SH2D3C: variants seen among roughly 807,000 people sequenced by gnomAD.
SH2D3C encodes SH2 domain containing 3C, also known as SH2 domain-containing protein 3C.
SH2D3C carries 25 observed loss-of-function variants against 75.2 expected under a neutral mutation model. The ratio of observed to expected loss-of-function variants is 0.33; its 90% CI spans 0.24 to 0.46. The LOEUF is 0.46. SH2D3C is among the 20% of genes least tolerant of loss of function. The pLI is 1.00. For synonymous variants in SH2D3C, 450 were observed against 473.7 expected (o/e 0.95, Z 0.65); for missense variants, 933 against 1,165.3 (o/e 0.80, Z 2.90).
chr9:127,773,686 G>T (rs1845769007), intron 2 of SH2D3C, among the ~76,000 whole-genome samples: 1 of 152,090 alleles, frequency 6.6e-6, no homozygotes, highest in Non-Finnish European at 1.5e-5. Flanking sequence ...GGGAGGCCGA[G>T]GCAGGCAGAT....
At position 127,744,679 on chromosome 9, in the gene SH2D3C, A is replaced by G; in HGVS notation, c.1685T>C (p.Leu562Pro). 1 of 1,614,260 alleles carries G rather than the reference A, an allele frequency of 6.2e-7. No individual in the cohort carries two copies. Among genetic ancestry groups the G allele is most frequent in the South Asian group, 1.1e-5 (1 of 91,092 alleles). Residue 562 changes from leucine to proline, a missense_variant, in exon 7 of 12, where the codon CTG (leucine) becomes CCG (proline). By Grantham distance (98) the Leu-to-Pro change is moderately conservative. Coordinates refer to ENST00000314830, the MANE Select transcript of SH2D3C (RefSeq NM_170600.3). ...SFNPATFQSLLIPRDNRPLEV... is the reference protein window; with the variant it reads ...SFNPATFQSLPIPRDNRPLEV... Reference sequence around the variant, plus strand: ...CAGTGGCCGGTTATCCCTGGGGATCAGTAGTGACTGGAAGGTGGCCGGGTT... The same window carrying G: ...CAGTGGCCGGTTATCCCTGGGGATCGGTAGTGACTGGAAGGTGGCCGGGTT...
intron 2 of SH2D3C, among the ~76,000 whole-genome samples, chr9:127,769,882 C>A (rs554898549): frequency 1.3e-5 from 2 of 152,220 alleles, no homozygotes; most frequent in Admixed American, 6.5e-5. Context: ...GAGGCTCCCA[C>A]CTCACACCCC....
intron 3 of SH2D3C, among the ~76,000 whole-genome samples, chr9:127,758,963 T>G (rs1259101226): frequency 6.6e-6 from 1 of 152,224 alleles, no homozygotes; most frequent in Non-Finnish European, 1.5e-5. Context: ...CTCAGGGTGA[T>G]GAAATGTCCC....
intron 2 of SH2D3C, among the ~76,000 whole-genome samples, chr9:127,772,147 C>T (rs1845748658): frequency 6.6e-6 from 1 of 151,150 alleles, no homozygotes; most frequent in South Asian, 2.1e-4. Flanking sequence ...CTTGGTGTCT[C>T]AGGAAAAAGC....
chr9:127,739,628 A>G lies in SH2D3C; in HGVS notation c.2407+54T>C, dbSNP rs1042866318. On this transcript the variant is annotated intron_variant, in intron 11 of 11. Coordinates refer to ENST00000314830, the MANE Select transcript of SH2D3C (RefSeq NM_170600.3). The surrounding 1 kb of genome is among the most constrained non-coding windows in gnomAD (Gnocchi z 4.3). ...TTGGAGAAAAGGGAAGCAGTGAGGC[A>G]GGTGGAGGGAGGCCCAGGCCTGCAA... is the stretch of plus-strand genomic sequence containing the variant. 36 of 1,496,030 alleles carry G rather than the reference A, an allele frequency of 2.4e-5. No homozygotes were observed. The African/African-American group carries it at 4.7e-4, about 19-fold the overall frequency. The allele number at this position is 1,496,030 out of a possible 1,614,324, so 92.7% of individuals were successfully genotyped here.
intron 2 of SH2D3C, among the ~76,000 whole-genome samples, chr9:127,763,227 T>A (rs1414026492): frequency 6.6e-6 from 1 of 152,236 alleles, no homozygotes; most frequent in East Asian, 1.9e-4. Context: ...CCACCTTGAA[T>A]AGTCCCTCAT....
chr9:127,743,899 A>G (rs516073), intron 7 of SH2D3C, among the ~76,000 whole-genome samples: 104,852 of 151,202 alleles, frequency 0.69, 37,779 homozygotes, highest in African/African-American at 0.89. Context: ...CGGTGGGGGC[A>G]GAGAGTCAGG....
chr9:127,771,358 C>T, intron 2 of SH2D3C: 1 of 1,355,326 alleles, frequency 7.4e-7, no homozygotes, highest in Non-Finnish European at 9.5e-7. Flanking sequence ...GTAGACCACG[C>T]CCCCAGACAC....
In SH2D3C at chr9:127,744,680, G is replaced by A; in HGVS notation, c.1684C>T (p.Leu562=). ...AGTGGCCGGTTATCCCTGGGGATCA[G>A]TAGTGACTGGAAGGTGGCCGGGTTG... ...SFNPATFQSL[L]IPRDNRPLEV... The change falls in exon 7 of 12, where the codon CTG becomes TTG. Residue 562 remains leucine, a synonymous_variant. Transcript: ENST00000314830. 1 of 1,614,260 alleles carries A rather than the reference G, an allele frequency of 6.2e-7. No individual in the cohort carries two copies. The highest frequency in any genetic ancestry group is 8.5e-7 in the Non-Finnish European group (1 of 1,180,048).
chr9:127,766,446 A>G (rs1290480464), intron 2 of SH2D3C, among the ~76,000 whole-genome samples: 1 of 152,194 alleles, frequency 6.6e-6, no homozygotes, highest in Non-Finnish European at 1.5e-5. Context: ...GGAGGGGTGC[A>G]AGGTTTCCTG....
intron 1 of SH2D3C, among the ~76,000 whole-genome samples, chr9:127,776,115 C>G (rs1053244997): frequency 6.6e-6 from 1 of 152,178 alleles, no homozygotes; most frequent in Non-Finnish European, 1.5e-5. Flanking sequence ...AGGGGTAAGA[C>G]ACCGTGCCTG....
intron 2 of SH2D3C, chr9:127,771,364 G>T: frequency 1.5e-6 from 2 of 1,353,794 alleles, no homozygotes; most frequent in South Asian, 3.5e-5. Context: ...CACGCCCCCA[G>T]ACACGCCCCT....
chr9:127,765,186 C>A (rs1845610559), intron 2 of SH2D3C, among the ~76,000 whole-genome samples: 1 of 152,108 alleles, frequency 6.6e-6, no homozygotes, highest in South Asian at 2.1e-4. Flanking sequence ...TCCTTCAGTT[C>A]TTCACTAAAA....
rs559728606 is a variant in SH2D3C at position 127,749,746 on chromosome 9, G to A, written c.685-81C>T. 2.3e-5 allele frequency: 19 copies of A among 844,136 alleles called. No individual in the cohort carries two copies. The highest frequency in any genetic ancestry group is 2.5e-5 in the Non-Finnish European group (13 of 526,662). 52.3% of individuals were successfully genotyped at this position (844,136 alleles called of 1,614,324 possible). ...AGGATCTGGGGGACAGAGCAACCCAGGATTAGGGGGCACAGCAAGACCAGA... is the reference window on the plus strand; with the variant it reads ...AGGATCTGGGGGACAGAGCAACCCAAGATTAGGGGGCACAGCAAGACCAGA... On this transcript the variant is annotated intron_variant, in intron 4 of 11. Transcript: ENST00000314830. This position sits in a 1 kb window ranked among gnomAD's most constrained non-coding sequence, Gnocchi z 5.9.
rs530402024 is a variant in SH2D3C at position 127,738,992 on chromosome 9, C to T, written c.2408-71G>A. 8.7e-6 allele frequency: 12 copies of T among 1,385,712 alleles called. No homozygotes were observed. The highest frequency in any genetic ancestry group is 3.2e-5 in the South Asian group (2 of 63,238). 85.8% of individuals were successfully genotyped at this position (1,385,712 alleles called of 1,614,324 possible). A position where few individuals can be genotyped will look rare whatever the true frequency, so the allele number is the denominator to read the frequency against. On this transcript the variant is annotated intron_variant, in intron 11 of 11. Transcript: ENST00000314830. This position sits in a 1 kb window ranked among gnomAD's most constrained non-coding sequence, Gnocchi z 5.0. ...TCCAGAGCCCTAGCATTCTTCAGGA[C>T]CCCCCTGTTAGGGACCTCCCCTCAA... is the stretch of plus-strand genomic sequence containing the variant.
chr9:127,750,533 C>A (rs975513471), intron 4 of SH2D3C, among the ~76,000 whole-genome samples: 5 of 152,188 alleles, frequency 3.3e-5, no homozygotes, highest in Non-Finnish European at 7.3e-5. Flanking sequence ...CATATTCTTA[C>A]CAGGCACTCT....
chr9:127,742,218 TTTG>T (rs1844883677), intron 8 of SH2D3C, among the ~76,000 whole-genome samples: 1 of 151,984 alleles, frequency 6.6e-6, no homozygotes, highest in African/African-American at 2.4e-5. Context: ...AGTTTTTTGT[TTTG>T]TTTTTGTTTG....
At chr9:127,777,497 C>T (rs1564427935) in intron 1 of SH2D3C, among the ~76,000 whole-genome samples, 2 of 150,910 alleles carry the variant, frequency 1.3e-5, no homozygotes, top group Non-Finnish European at 3.0e-5. Context: ...CCTGGGATCC[C>T]ATGATGCCCC....
Position 127,739,874 on chromosome 9 carries a change from T to C in SH2D3C, c.2215A>G (p.Ser739Gly). ...LNEGKEGPPL[S>G]NTTFPHVLPL... ...AGCACATGAGGAAACGTGGTGTTGC[T>C]CAGCGGCGGGCCTTCTGCAAGGAGA... Residue 739 changes from serine to glycine, a missense_variant, in exon 11 of 12, where the codon AGC (serine) becomes GGC (glycine). By Grantham distance (56) the Ser-to-Gly change is moderately conservative. Transcript: ENST00000314830. This position sits in a 1 kb window ranked among gnomAD's most constrained non-coding sequence, Gnocchi z 4.3. 1 of 1,538,552 alleles carries C rather than the reference T, an allele frequency of 6.5e-7. No homozygotes were observed. The highest frequency in any genetic ancestry group is 8.8e-7 in the Non-Finnish European group (1 of 1,136,696).
Sources: allele counts gnomAD v4.1 joint callset (sites outside exome capture counted in the v4.1 genomes callset), GRCh38; gene constraint gnomAD v4.1.1; non-coding constraint Gnocchi (gnomAD v3.1); transcripts MANE v1.5; gene names NCBI Gene and HGNC (gene_info 2026-07-23, HGNC 2026-07-21).